Variants in ZNF34 observed in about 807,000 individuals in gnomAD.
ZNF34 encodes zinc finger protein 34, also known as zinc finger protein 34 (KOX 32).
A neutral mutation model predicts 14.4 loss-of-function variants in ZNF34; 8 were observed. That is an observed-to-expected ratio of 0.55 (90% confidence interval 0.33 to 1.00). ZNF34 has a LOEUF of 1.00. Ranked by LOEUF, ZNF34 falls within the 50% of genes least tolerant of loss-of-function variation. The pLI is 0.03. For synonymous variants in ZNF34, 235 were observed against 247.9 expected (o/e 0.95, Z 0.49); for missense variants, 538 against 674.2 (o/e 0.80, Z 2.24).
In ZNF34 at chr8:144,777,084, A is replaced by C. The variant is rs866541164; in HGVS notation, c.280+374T>G. Among the ~76,000 whole-genome samples, 9 of 151,974 alleles carry C rather than the reference A, an allele frequency of 5.9e-5. 1 individual carries two copies. Among genetic ancestry groups the C allele is most frequent in the South Asian group, 4.2e-4 (2 of 4,792 alleles). ...ATTAATTTAGAAGAGAGGGGAATTA[A>C]ATGATAGCTCCATCATTAGGCCCTC... On this transcript the variant is annotated intron_variant, in intron 5 of 5. Coordinates refer to ENST00000429371, the MANE Select transcript of ZNF34 (RefSeq NM_001286769.2). The surrounding 1 kb of genome is among the most constrained non-coding windows in gnomAD (Gnocchi z 4.8).
chr8:144,783,545 GAATA>G (rs745731219), intron 1 of ZNF34, among the ~76,000 whole-genome samples: 3 of 152,026 alleles, frequency 2.0e-5, no homozygotes, highest in Non-Finnish European at 4.4e-5. Flanking sequence ...GGTCAACAGA[GAATA>G]ATTAATACCA....
chr8:144,780,145 T>C, intron 2 of ZNF34, 83 bp downstream of exon 2: 3 of 1,050,480 alleles, frequency 2.9e-6, no homozygotes, highest in Admixed American at 2.0e-5. Flanking sequence ...TGCAGTGAGC[T>C]GTGATCGCAC....
intron 2 of ZNF34, 57 bp downstream of exon 2, chr8:144,780,171 T>C: frequency 7.2e-7 from 1 of 1,396,314 alleles, no homozygotes; most frequent in South Asian, 1.2e-5. Context: ...CACTCCAGCC[T>C]GGGCAACAAA....
At chr8:144,782,842 C>CAAAAAAAAAAAAAAAAAAAAAAAAAAAA (rs548252812) in intron 1 of ZNF34, among the ~76,000 whole-genome samples, 3 of 22,966 alleles carry the variant, frequency 1.3e-4, no homozygotes, top group Admixed American at 6.0e-4. Context: ...AAGCCTATCT[C>CAAAAAAAAAAAAAAAAAAAAAAAAAAAA]AAAAAAAAAA....
In ZNF34 at chr8:144,773,608, A is replaced by C. The variant is rs1211238449; in HGVS notation, c.1278T>G (p.Tyr426Ter). The C allele has an allele frequency of 6.2e-7, 1 of 1,614,028 alleles. No individual in the cohort carries two copies. Among genetic ancestry groups the C allele is most frequent in the East Asian group, 2.2e-5 (1 of 44,856 alleles). The change falls in exon 6 of 6, where the codon TAT becomes TAG. Residue 426 changes from tyrosine (Y) to a stop codon, truncating the protein, a stop_gained. Coordinates refer to ENST00000429371, the MANE Select transcript of ZNF34 (RefSeq NM_001286769.2). LOFTEE classifies it low-confidence loss of function (END_TRUNC). The surrounding 1 kb of genome is among the most constrained non-coding windows in gnomAD (Gnocchi z 5.4). ...HQRSHTGEKPYECNDCGKVFS... is the reference protein window; with the variant it reads ...HQRSHTGEKP ...AAACTTTGCCACAGTCATTGCATTC[A>C]TAGGGCTTCTCTCCAGTGTGGCTTC...
chr8:144,778,135 C>T lies in ZNF34; in HGVS notation c.63G>A (p.Val21=), dbSNP rs1825644234. Residue 21 remains valine (V), a synonymous_variant, in exon 4 of 6, where the codon GTG becomes GTA. Transcript: ENST00000429371. ...GGCCCCATTCCTCCCGGGAGAGGTACACAGCCACGTCCTCGAAGGTCACCT... is the reference window on the plus strand; with the variant it reads ...GGCCCCATTCCTCCCGGGAGAGGTATACAGCCACGTCCTCGAAGGTCACCT... ...QAEVTFEDVA[V]YLSREEWGRL... 1 of 1,613,670 alleles carries T rather than the reference C, an allele frequency of 6.2e-7. No homozygotes were observed. Among genetic ancestry groups the T allele is most frequent in the African/African-American group, 1.3e-5 (1 of 74,904 alleles).
At chr8:144,784,092 G>A (rs930772687) in intron 1 of ZNF34, among the ~76,000 whole-genome samples, 12 of 150,216 alleles carry the variant, frequency 8.0e-5, no homozygotes, top group African/African-American at 2.2e-4. Context: ...CCCGGGAGGC[G>A]GAGGTTACAG....
chr8:144,780,152 G>A lies in ZNF34; in HGVS notation c.-55+76C>T, dbSNP rs534911891. On this transcript the variant is annotated intron_variant, in intron 2 of 5. Transcript: ENST00000429371. ...GTAGAGGCTGCAGTGAGCTGTGATC[G>A]CACCACTGCACTCCAGCCTGGGCAA... 7.6e-5 allele frequency: 86 copies of A among 1,126,840 alleles called. No individual in the cohort carries two copies. The African/African-American group carries it at 1.0e-3, about 13-fold the overall frequency. The allele number at this position is 1,126,840 out of a possible 1,614,324, so 69.8% of individuals were successfully genotyped here. A position where few individuals can be genotyped will look rare whatever the true frequency, so the allele number is the denominator to read the frequency against.
chr8:144,772,979 A>T lies in ZNF34; in HGVS notation c.*287T>A. The stretch of plus-strand genomic sequence containing the variant: ...CAAGCATTACGGTATTTTCTTTTTA[A>T]AATGCTCTCCAGTATGTCTCGAAAA... On this transcript the variant is annotated 3_prime_UTR_variant, in exon 6 of 6. Coordinates refer to ENST00000429371, the MANE Select transcript of ZNF34 (RefSeq NM_001286769.2). The T allele has an allele frequency of 3.3e-6, 1 of 301,452 alleles. No individual in the cohort carries two copies. Among genetic ancestry groups the T allele is most frequent in the Non-Finnish European group, 6.1e-6 (1 of 163,424 alleles). The allele number at this position is 301,452 out of a possible 1,614,324, so 18.7% of individuals were successfully genotyped here.
Position 144,774,297 on chromosome 8 carries a change from T to C in ZNF34, c.589A>G (p.Arg197Gly), listed in dbSNP as rs766466571. ...CGAACTGTATTTGTTTTTTTTGACCTGTGTACACGCTTATGGTTGTTGAGA... is the reference window on the plus strand; with the variant it reads ...CGAACTGTATTTGTTTTTTTTGACCCGTGTACACGCTTATGGTTGTTGAGA... Reference protein sequence around the residue: ...SYLNNHKRVHRSKKTNTVRNS... With the variant: ...SYLNNHKRVHGSKKTNTVRNS... The change falls in exon 6 of 6, where the codon AGG becomes GGG. Residue 197 changes from arginine to glycine, a missense_variant. This residue lies in a region of ZNF34 where 431 missense variants were observed against 525.7 expected (regional missense o/e 0.82). Coordinates refer to ENST00000429371, the MANE Select transcript of ZNF34 (RefSeq NM_001286769.2). The C allele has an allele frequency of 1.9e-6, 3 of 1,613,116 alleles. No homozygotes were observed. Among genetic ancestry groups the C allele is most frequent in the African/African-American group, 1.3e-5 (1 of 75,062 alleles).
intron 1 of ZNF34, 93 bp downstream of exon 1, chr8:144,787,186 G>C (rs1338918875): frequency 4.6e-5 from 7 of 152,408 alleles, no homozygotes; most frequent in Non-Finnish European, 1.0e-4. Context: ...GCAGCACCGC[G>C]AGAGGACCGG....
chr8:144,777,345 T>A lies in ZNF34; in HGVS notation c.280+113A>T. On this transcript the variant is annotated intron_variant, in intron 5 of 5. Transcript: ENST00000429371. The surrounding 1 kb of genome is among the most constrained non-coding windows in gnomAD (Gnocchi z 4.8). ...GCAAAGGCCACTGTCAGGCCTCCTG[T>A]GCTAGCCCCGATGAATCTGGCCCAC... 1 of 1,417,002 alleles carries A rather than the reference T, an allele frequency of 7.1e-7. No individual in the cohort carries two copies. The highest frequency in any genetic ancestry group is 9.4e-7 in the Non-Finnish European group (1 of 1,061,030). 87.8% of individuals were successfully genotyped at this position (1,417,002 alleles called of 1,614,324 possible).
chr8:144,773,065 T>C lies in ZNF34; in HGVS notation c.*201A>G. ...AGTGGGAGAGATCACAGAAGCTTCT[T>C]TTTTGCCCACTTTTCTGTCTCAATT... On this transcript the variant is annotated 3_prime_UTR_variant, in exon 6 of 6. Transcript: ENST00000429371. The surrounding 1 kb of genome is among the most constrained non-coding windows in gnomAD (Gnocchi z 5.4). 1.8e-6 allele frequency: 1 copy of C among 555,230 alleles called. No homozygotes were observed. Among genetic ancestry groups the C allele is most frequent in the Non-Finnish European group, 2.9e-6 (1 of 341,178 alleles). 34.4% of individuals were successfully genotyped at this position (555,230 alleles called of 1,614,324 possible).
In ZNF34 at chr8:144,779,160, G is replaced by T. The variant is rs576189519; in HGVS notation, c.-54-635C>A. On this transcript the variant is annotated intron_variant, in intron 2 of 5. Coordinates refer to ENST00000429371, the MANE Select transcript of ZNF34 (RefSeq NM_001286769.2). The surrounding 1 kb of genome is among the most constrained non-coding windows in gnomAD (Gnocchi z 4.1). Reference sequence around the variant, plus strand: ...AGGGCACAAAACCCCTCGTGGCTTGGATGGAATCCAGGGCTCAGGGCACAA... The same window carrying T: ...AGGGCACAAAACCCCTCGTGGCTTGTATGGAATCCAGGGCTCAGGGCACAA... 1.3e-5 allele frequency among the ~76,000 whole-genome samples: 2 copies of T among 152,104 alleles called. No homozygotes were observed. Among genetic ancestry groups the T allele is most frequent in the Non-Finnish European group, 2.9e-5 (2 of 68,010 alleles).
intron 2 of ZNF34, among the ~76,000 whole-genome samples, 175 bp from the exon 3 acceptor site, chr8:144,778,700 C>T (rs1392084151): frequency 6.6e-6 from 1 of 152,030 alleles, no homozygotes; most frequent in East Asian, 1.9e-4. Context: ...TTGCCTGGGG[C>T]TGCCCTCTCC....
Position 144,774,113 on chromosome 8 carries a change from T to C in ZNF34, c.773A>G (p.Tyr258Cys), listed in dbSNP as rs199914624. 1.4e-5 allele frequency: 22 copies of C among 1,614,006 alleles called. No individual in the cohort carries two copies. In the Middle Eastern group the frequency reaches 4.9e-4, roughly 36 times the overall value. ...GGCTTTCCCACACTCATCACATTTG[T>C]AGGGCTTCTCTTCAGTGTGAAGCCG... ...HQRLHTEEKP[Y>C]KCDECGKAFS... The change falls in exon 6 of 6, where the codon TAC becomes TGC. Residue 258 changes from tyrosine to cysteine, a missense_variant. Coordinates refer to ENST00000429371, the MANE Select transcript of ZNF34 (RefSeq NM_001286769.2).
intron 2 of ZNF34, 86 bp from the exon 3 acceptor site, chr8:144,778,611 C>T: frequency 1.3e-5 from 14 of 1,097,124 alleles, no homozygotes; most frequent in Non-Finnish European, 1.8e-5. Context: ...ATAAACAGCC[C>T]TGCCTGCCTC....
In ZNF34 at chr8:144,772,861, T is replaced by C. The variant is rs1825251342; in HGVS notation, c.*405A>G. 6.6e-6 allele frequency among the ~76,000 whole-genome samples: 1 copy of C among 152,200 alleles called. No individual in the cohort carries two copies. The highest frequency in any genetic ancestry group is 2.4e-5 in the African/African-American group (1 of 41,454). ...GGCCGATGCTTTTAAATTTACAATA[T>C]GTAAAAATGTTAAAATATATGGTGC... is the stretch of plus-strand genomic sequence containing the variant. On this transcript the variant is annotated 3_prime_UTR_variant, in exon 6 of 6. Transcript: ENST00000429371.
intron 1 of ZNF34, among the ~76,000 whole-genome samples, chr8:144,783,366 T>C (rs537943190): frequency 5.3e-5 from 8 of 152,240 alleles, no homozygotes; most frequent in Non-Finnish European, 7.4e-5. Flanking sequence ...TTCAACATCC[T>C]AGCCAAAGCA....
Sources: allele counts gnomAD v4.1 joint callset (sites outside exome capture counted in the v4.1 genomes callset), GRCh38; gene constraint gnomAD v4.1.1; regional missense constraint gnomAD v4.1.1; non-coding constraint Gnocchi (gnomAD v3.1); transcripts MANE v1.5; gene names NCBI Gene and HGNC (gene_info 2026-07-23, HGNC 2026-07-21).